The following TENM3 variants were observed in gnomAD, a reference collection of about 807,000 sequenced individuals.
The protein encoded by TENM3 is teneurin-3.
Under a neutral mutation model 255.1 loss-of-function variants are expected in TENM3, and 63 were observed. The observed-to-expected ratio is 0.25, with a 90% CI of 0.20 to 0.30. The LOEUF (loss-of-function observed/expected upper bound fraction) is 0.30. Among genes scored for constraint, TENM3 ranks in the 10% least tolerant of loss-of-function variants. The pLI, the probability that TENM3 is intolerant of heterozygous loss-of-function variation, is 1.00. For synonymous variants in TENM3, 1,306 were observed against 1,322.3 expected, an observed-to-expected ratio of 0.99 and a Z score of 0.27; for missense variants, 2,929 against 3,461.1, an observed-to-expected ratio of 0.85 and a Z score of 3.86.
the TENM3 span, among the ~76,000 whole-genome samples, chr4:181,982,208 C>T: frequency 1.3e-5 from 2 of 151,982 alleles, no homozygotes; most frequent in African/African-American, 4.8e-5. Context: ...GGAATTTCAG[C>T]GGCGCGATTA....
At chr4:181,792,215 A>G in the TENM3 span, among the ~76,000 whole-genome samples, 1 of 152,358 alleles carries the variant, frequency 6.6e-6, no homozygotes, top group South Asian at 2.1e-4. Context: ...TAAGCTCAGG[A>G]GAATATCCTT....
At chr4:181,681,640 A>G in the TENM3 span, among the ~76,000 whole-genome samples, 3 of 152,154 alleles carry the variant, frequency 2.0e-5, no homozygotes, top group African/African-American at 7.2e-5. Context: ...CCTGAGGGTG[A>G]TAATGAGTCA....
the TENM3 span, among the ~76,000 whole-genome samples, chr4:181,888,757 G>A: frequency 4.6e-5 from 7 of 150,808 alleles, no homozygotes; most frequent in Admixed American, 3.3e-4. Context: ...GCAGGGGTCC[G>A]TTGGAGGAGG....
intron 3 of TENM3, among the ~76,000 whole-genome samples, chr4:182,482,283 T>C (rs370446410): frequency 9.2e-5 from 14 of 152,314 alleles, no homozygotes; most frequent in South Asian, 8.3e-4. Flanking sequence ...AATTTATGGT[T>C]CCTTTTCTTT....
the TENM3 span, among the ~76,000 whole-genome samples, chr4:181,996,344 G>A: frequency 3.3e-5 from 5 of 152,194 alleles, no homozygotes; most frequent in African/African-American, 1.2e-4. Context: ...AACCTCTGGA[G>A]CAGATGGCTG....
chr4:182,196,683 G>T (rs977195352), intron 1 of TENM3, among the ~76,000 whole-genome samples: 4 of 152,168 alleles, frequency 2.6e-5, no homozygotes, highest in Non-Finnish European at 4.4e-5. Flanking sequence ...GATTCTAGAA[G>T]CTCCTTTAAC....
chr4:182,508,967 T>C (rs1737107970), intron 3 of TENM3, among the ~76,000 whole-genome samples: 1 of 152,238 alleles, frequency 6.6e-6, no homozygotes, highest in Non-Finnish European at 1.5e-5. Flanking sequence ...CAGTATGAAG[T>C]AAGAGTCAAT....
chr4:182,503,314 A>C (rs1385856908), intron 3 of TENM3, among the ~76,000 whole-genome samples: 1 of 152,120 alleles, frequency 6.6e-6, no homozygotes, highest in African/African-American at 2.4e-5. Flanking sequence ...AGGGACATTC[A>C]GTCTTTAGCG....
At chr4:182,590,715 C>T (rs761100787) in intron 3 of TENM3, among the ~76,000 whole-genome samples, 5 of 151,056 alleles carry the variant, frequency 3.3e-5, no homozygotes, top group African/African-American at 7.3e-5. Context: ...CTTAGCTGGG[C>T]GTGGTGGTGC....
intron 2 of TENM3, among the ~76,000 whole-genome samples, chr4:182,334,184 C>T (rs907630166): frequency 6.6e-6 from 1 of 152,004 alleles, no homozygotes; most frequent in Non-Finnish European, 1.5e-5. Context: ...AATCCTATCA[C>T]AAAGGCAACA....
At chr4:182,175,937 A>G (rs997655447) in intron 1 of TENM3, among the ~76,000 whole-genome samples, 2 of 147,578 alleles carry the variant, frequency 1.4e-5, no homozygotes, top group Non-Finnish European at 1.5e-5. Context: ...GCCGCTGCAC[A>G]TTGCAGTACG....
the TENM3 span, among the ~76,000 whole-genome samples, chr4:182,132,729 G>C: frequency 1.3e-5 from 2 of 152,136 alleles, no homozygotes; most frequent in African/African-American, 2.4e-5. Context: ...TTAAACTCTA[G>C]TTCATAGTTC....
chr4:181,956,566 G>A, the TENM3 span, among the ~76,000 whole-genome samples: 1 of 152,156 alleles, frequency 6.6e-6, no homozygotes, highest in African/African-American at 2.4e-5. Context: ...AGTATCCAAA[G>A]ATCAGACAAG....
At chr4:182,442,863 C>T (rs1490281126) in intron 3 of TENM3, among the ~76,000 whole-genome samples, 31 of 150,548 alleles carry the variant, frequency 2.1e-4, no homozygotes, top group Non-Finnish European at 3.6e-4. Context: ...CACACACACA[C>T]ACACACACAC....
chr4:182,558,457 G>A (rs112143469), intron 3 of TENM3, among the ~76,000 whole-genome samples: 5 of 152,216 alleles, frequency 3.3e-5, no homozygotes, highest in Non-Finnish European at 5.9e-5. Flanking sequence ...CTGACATGCC[G>A]CTGATTTGCC....
At chr4:182,640,284 G>A (rs910261848) in intron 5 of TENM3, among the ~76,000 whole-genome samples, 7 of 152,104 alleles carry the variant, frequency 4.6e-5, no homozygotes, top group African/African-American at 1.7e-4. Flanking sequence ...TATTATAAAG[G>A]TGATCGGCAC....
intron 3 of TENM3, among the ~76,000 whole-genome samples, chr4:182,476,098 G>C (rs932441229): frequency 1.3e-5 from 2 of 152,116 alleles, no homozygotes; most frequent in Non-Finnish European, 2.9e-5. Flanking sequence ...TAAGTCCCTG[G>C]TGGTGTTACT....
intron 3 of TENM3, among the ~76,000 whole-genome samples, chr4:182,524,794 A>C (rs76638488): frequency 0.028 from 4,161 of 148,408 alleles, 201 homozygotes; most frequent in African/African-American, 0.096. Context: ...AAGTGGATGG[A>C]TCCCTTACCC....
the TENM3 span, among the ~76,000 whole-genome samples, chr4:181,490,972 T>TA: frequency 2.0e-5 from 3 of 152,300 alleles, no homozygotes; most frequent in East Asian, 1.9e-4. Context: ...TTTTGTATTT[T>TA]AAAAAATGTG....
Sources: gnomAD v4.1 joint callset for allele counts (sites outside exome capture counted in the v4.1 genomes callset) on GRCh38, gnomAD v4.1.1 for gene constraint, MANE v1.5 for transcripts, NCBI Gene and HGNC (gene_info 2026-07-23, HGNC 2026-07-21) for gene names.